ABAT: variants seen among roughly 807,000 people sequenced by gnomAD.
The protein encoded by ABAT is 4-aminobutyrate aminotransferase, mitochondrial.
ABAT carries 45 observed loss-of-function variants against 64.6 expected under a neutral mutation model. The ratio of observed to expected loss-of-function variants is 0.70; its 90% CI spans 0.55 to 0.89. ABAT has a LOEUF of 0.89. Among genes scored for constraint, ABAT ranks in the 40% least tolerant of loss-of-function variants. The pLI, the probability that ABAT is intolerant of heterozygous loss-of-function variation, is 0.00. For synonymous variants in ABAT, 297 were observed against 250.5 expected (o/e 1.19, Z -1.75); for missense variants, 633 against 658.4 (o/e 0.96, Z 0.42).
chr16:8,680,460 C>G (rs1171604878), intron 1 of ABAT, among the ~76,000 whole-genome samples: 3 of 152,156 alleles, frequency 2.0e-5, no homozygotes, highest in African/African-American at 2.4e-5. Flanking sequence ...GAATCTTGCT[C>G]TGTCACCCAG....
intron 1 of ABAT, among the ~76,000 whole-genome samples, chr16:8,702,454 T>C (rs1353243484): frequency 2.6e-5 from 4 of 152,138 alleles, no homozygotes; most frequent in Non-Finnish European, 4.4e-5. Flanking sequence ...TGTTTCACCC[T>C]GTTGGCCAGG....
At chr16:8,769,557 CAAAAAA>C (rs35002036) in intron 11 of ABAT, among the ~76,000 whole-genome samples, 2 of 86,774 alleles carry the variant, frequency 2.3e-5, no homozygotes, top group Non-Finnish European at 2.2e-5. Flanking sequence ...AGACTCTGTC[CAAAAAA>C]AAAAAAAAAA....
In ABAT at chr16:8,746,225, A is replaced by G. The variant is rs2059324791; in HGVS notation, c.168+127A>G. 3.9e-6 allele frequency: 3 copies of G among 773,260 alleles called. No homozygotes were observed. The East Asian group carries it at 8.1e-5, about 21-fold the overall frequency. 47.9% of individuals were successfully genotyped at this position (773,260 alleles called of 1,614,324 possible). On this transcript the variant is annotated intron_variant, in intron 3 of 15. Coordinates refer to ENST00000268251, the MANE Select transcript of ABAT (RefSeq NM_020686.6). Reference sequence around the variant, plus strand: ...GCTTTCAGAGAGTTCACCACCAGAGATCTGAGATACTCAATGAGGCCATTT... The same window carrying G: ...GCTTTCAGAGAGTTCACCACCAGAGGTCTGAGATACTCAATGAGGCCATTT...
Position 8,781,435 on chromosome 16 carries a change from G to T in ABAT, c.*5G>T, listed in dbSNP as rs1272192071. The T allele has an allele frequency of 6.2e-7, 1 of 1,614,172 alleles. No individual in the cohort carries two copies. Among genetic ancestry groups the T allele is most frequent in the Non-Finnish European group, 8.5e-7 (1 of 1,180,034 alleles). ...ATCTTAGCAGACTTCAAGTAAAGAA[G>T]CCATTTCCACTACAGTGAGAAAGCC... is the stretch of plus-strand genomic sequence containing the variant. On this transcript the variant is annotated 3_prime_UTR_variant, in exon 16 of 16. Coordinates refer to ENST00000268251, the MANE Select transcript of ABAT (RefSeq NM_020686.6). The surrounding 1 kb of genome is among the most constrained non-coding windows in gnomAD (Gnocchi z 4.5).
At chr16:8,755,756 C>T (rs1437704947) in intron 5 of ABAT, among the ~76,000 whole-genome samples, 1 of 151,206 alleles carries the variant, frequency 6.6e-6, no homozygotes, top group Non-Finnish European at 1.5e-5. Context: ...ACTAAAAATA[C>T]AAAAAAATTG....
At chr16:8,679,546 G>C (rs1459247433) in intron 1 of ABAT, among the ~76,000 whole-genome samples, 1 of 145,936 alleles carries the variant, frequency 6.9e-6, no homozygotes, top group Non-Finnish European at 1.5e-5. Context: ...AAAAAAGGTA[G>C]AAGGAGGAGG....
chr16:8,694,899 T>G (rs893798269), intron 1 of ABAT, among the ~76,000 whole-genome samples: 20 of 152,274 alleles, frequency 1.3e-4, no homozygotes, highest in African/African-American at 4.8e-4. Flanking sequence ...ACACCTGAGT[T>G]CCGGTTTGGG....
intron 1 of ABAT, among the ~76,000 whole-genome samples, chr16:8,682,876 A>G (rs1284764287): frequency 2.0e-5 from 3 of 152,302 alleles, no homozygotes; most frequent in African/African-American, 4.8e-5. Flanking sequence ...ACAGAATGTG[A>G]ATCTGCGTTT....
chr16:8,691,580 C>T (rs1389136508), intron 1 of ABAT, among the ~76,000 whole-genome samples: 1 of 152,164 alleles, frequency 6.6e-6, no homozygotes, highest in Non-Finnish European at 1.5e-5. Context: ...GCTGGAATTA[C>T]AGTCGTGCAC....
chr16:8,744,679 T>A (rs551880253), intron 2 of ABAT, among the ~76,000 whole-genome samples: 1 of 151,796 alleles, frequency 6.6e-6, no homozygotes, highest in East Asian at 1.9e-4. Flanking sequence ...GCCACACACT[T>A]TTAAACAACC....
chr16:8,704,053 C>CT (rs2057885394), intron 1 of ABAT, among the ~76,000 whole-genome samples: 1 of 152,222 alleles, frequency 6.6e-6, no homozygotes, highest in South Asian at 2.1e-4. Context: ...CCAAGCTTTC[C>CT]TTTCTTCCAC....
intron 1 of ABAT, among the ~76,000 whole-genome samples, chr16:8,735,132 C>A (rs1180986623): frequency 6.7e-6 from 1 of 148,194 alleles, no homozygotes; most frequent in Non-Finnish European, 1.5e-5. Context: ...CGAGATCGAG[C>A]CACTGCACTC....
At chr16:8,762,961 T>A (rs781702542) in intron 6 of ABAT, among the ~76,000 whole-genome samples, 1 of 151,088 alleles carries the variant, frequency 6.6e-6, no homozygotes, top group Non-Finnish European at 1.5e-5. Flanking sequence ...TACAAAAAAT[T>A]AGCTGGGTGC....
chr16:8,717,961 G>A (rs922128143), intron 1 of ABAT, among the ~76,000 whole-genome samples: 2 of 152,022 alleles, frequency 1.3e-5, no homozygotes, highest in African/African-American at 4.8e-5. Flanking sequence ...TCTTCTCCAT[G>A]AGGTGAGCTT....
chr16:8,709,763 G>A (rs1360862182), intron 1 of ABAT, among the ~76,000 whole-genome samples: 1 of 151,864 alleles, frequency 6.6e-6, no homozygotes, highest in Non-Finnish European at 1.5e-5. Flanking sequence ...TTGGCAATCA[G>A]AAAGATGTAG....
Position 8,764,661 on chromosome 16 carries a change from A to T in ABAT, c.448-77A>T. 1 of 1,382,272 alleles carries T rather than the reference A, an allele frequency of 7.2e-7. No individual in the cohort carries two copies. Among genetic ancestry groups the T allele is most frequent in the Non-Finnish European group, 1.0e-6 (1 of 970,574 alleles). 85.6% of individuals were successfully genotyped at this position (1,382,272 alleles called of 1,614,324 possible). ...TGTCCCCGGTACGGCCCCTGCGAAG[A>T]TTCAGCTCCAGCCAGGGGAAGCGGG... is the stretch of plus-strand genomic sequence containing the variant. On this transcript the variant is annotated intron_variant, in intron 7 of 15. Transcript: ENST00000268251. The surrounding 1 kb of genome is among the most constrained non-coding windows in gnomAD (Gnocchi z 4.2).
At position 8,711,633 on chromosome 16, in the gene ABAT, G is replaced by T. The variant is rs548179555; in HGVS notation, c.-41-24066G>T. Among the ~76,000 whole-genome samples the T allele has an allele frequency of 1.4e-4, 21 of 150,026 alleles. 1 individual carries two copies. In the South Asian group the frequency reaches 4.4e-3, roughly 32 times the overall value. ...AGGATTTGGGGATAGTGAATCATTT[G>T]TGGAAACCGTGAGTGTCCATGAGCT... On this transcript the variant is annotated intron_variant, in intron 1 of 15. Coordinates refer to ENST00000268251, the MANE Select transcript of ABAT (RefSeq NM_020686.6).
At chr16:8,735,194 G>A (rs1476669205) in intron 1 of ABAT, among the ~76,000 whole-genome samples, 2 of 149,136 alleles carry the variant, frequency 1.3e-5, no homozygotes, top group East Asian at 2.0e-4. Context: ...AAAAAAAAAT[G>A]TGAATTGAAG....
rs1023985002 is a variant in ABAT at position 8,784,237 on chromosome 16, G to T, written c.*2807G>T. ...AGAAAACAAGGTCCAGTAATAGCAAGTCTTAGTACATCCTCACTTTTATTA... is the reference window on the plus strand; with the variant it reads ...AGAAAACAAGGTCCAGTAATAGCAATTCTTAGTACATCCTCACTTTTATTA... On this transcript the variant is annotated 3_prime_UTR_variant, in exon 16 of 16. Transcript: ENST00000268251. 6.6e-6 allele frequency: 1 copy of T among 152,618 alleles called. No individual in the cohort carries two copies. The highest frequency in any genetic ancestry group is 2.4e-5 in the African/African-American group (1 of 41,440). The allele number at this position is 152,618 out of a possible 1,614,324, so 9.5% of individuals were successfully genotyped here.
Sources: gnomAD v4.1 joint callset for allele counts (sites outside exome capture counted in the v4.1 genomes callset) on GRCh38, gnomAD v4.1.1 for gene constraint, Gnocchi (gnomAD v3.1) non-coding constraint, MANE v1.5 for transcripts, NCBI Gene and HGNC (gene_info 2026-07-23, HGNC 2026-07-21) for gene names.